Variants in LRRTM4 observed in about 807,000 individuals in gnomAD.
The protein encoded by LRRTM4 is leucine rich repeat transmembrane neuronal 4.
A neutral mutation model predicts 47.6 loss-of-function variants in LRRTM4; 25 were observed. The ratio of observed to expected loss-of-function variants is 0.53; its 90% CI spans 0.38 to 0.73. The LOEUF is 0.73. Ranked by LOEUF, LRRTM4 falls within the 30% of genes least tolerant of loss-of-function variation. The pLI is 0.00. For missense variants in LRRTM4, 638 were observed against 713.4 expected (o/e 0.89, Z 1.20); for synonymous variants, 311 against 269.5 (o/e 1.15, Z -1.51).
At chr2:77,095,204 A>C (rs1254992449) in intron 3 of LRRTM4, among the ~76,000 whole-genome samples, 1 of 152,220 alleles carries the variant, frequency 6.6e-6, no homozygotes, top group East Asian at 1.9e-4. Flanking sequence ...ACAGTGAGAT[A>C]CTACCTCATT....
chr2:77,400,337 A>C (rs1673900387), intron 3 of LRRTM4, among the ~76,000 whole-genome samples: 2 of 151,718 alleles, frequency 1.3e-5, no homozygotes, highest in African/African-American at 2.4e-5. Context: ...TTGGCCCTAC[A>C]ATTCACTCAG....
chr2:76,787,424 T>C (rs1286183316), intron 3 of LRRTM4, among the ~76,000 whole-genome samples: 1 of 152,108 alleles, frequency 6.6e-6, no homozygotes, highest in Non-Finnish European at 1.5e-5. Flanking sequence ...ACTTTATACA[T>C]TTCCAGATGT....
At chr2:76,801,456 T>G (rs994578701) in intron 3 of LRRTM4, among the ~76,000 whole-genome samples, 6 of 151,912 alleles carry the variant, frequency 3.9e-5, no homozygotes, top group Admixed American at 3.9e-4. Context: ...TAGGTGGGAA[T>G]TGAACAATGA....
rs562288444 is a variant in LRRTM4, at chr2:77,431,203, C to T, written c.1551+87115G>A. Among the ~76,000 whole-genome samples the T allele has an allele frequency of 2.8e-4, 41 of 148,840 alleles. 2 individuals are homozygous for T. Among genetic ancestry groups the T allele is most frequent in the East Asian group, 7.7e-4 (4 of 5,172 alleles). Reference sequence around the variant, plus strand: ...GTCTATCTCTATCTATGCATGCTTTCGATTTTGTCTTTCTATAGAACCCTG... The same window carrying T: ...GTCTATCTCTATCTATGCATGCTTTTGATTTTGTCTTTCTATAGAACCCTG... On this transcript the variant is annotated intron_variant, in intron 3 of 3. Coordinates refer to ENST00000409884, the MANE Select transcript of LRRTM4 (RefSeq NM_001134745.3).
intron 3 of LRRTM4, among the ~76,000 whole-genome samples, chr2:76,972,608 T>C (rs1406872914): frequency 6.6e-6 from 1 of 151,700 alleles, no homozygotes; most frequent in Non-Finnish European, 1.5e-5. Context: ...TTAGTAGAGA[T>C]GGTTTTCACC....
In LRRTM4 at chr2:77,449,364, A is replaced by G. The variant is rs572592123; in HGVS notation, c.1551+68954T>C. ...GCATGCCATTTATCTCATGTTTTAA[A>G]TAATAAAATGATACGAGAATTGTGA... On this transcript the variant is annotated intron_variant, in intron 3 of 3. Transcript: ENST00000409884. Among the ~76,000 whole-genome samples, 3 of 152,306 alleles carry G rather than the reference A, an allele frequency of 2.0e-5. No individual in the cohort carries two copies. In the East Asian group the frequency reaches 5.8e-4, roughly 29 times the overall value.
intron 3 of LRRTM4, among the ~76,000 whole-genome samples, chr2:77,205,785 G>A (rs1674107162): frequency 6.6e-6 from 1 of 152,132 alleles, no homozygotes; most frequent in Non-Finnish European, 1.5e-5. Flanking sequence ...TGCTGAATGA[G>A]CACATTTTAT....
chr2:77,405,921 C>A (rs1236521885), intron 3 of LRRTM4, among the ~76,000 whole-genome samples: 1 of 152,140 alleles, frequency 6.6e-6, no homozygotes, highest in Non-Finnish European at 1.5e-5. Context: ...ATGTCTGACT[C>A]TCACACTAAA....
chr2:77,035,517 T>A (rs1366374118), intron 3 of LRRTM4, among the ~76,000 whole-genome samples: 1 of 151,978 alleles, frequency 6.6e-6, no homozygotes, highest in East Asian at 1.9e-4. Flanking sequence ...TATAATTTTA[T>A]TTCATTTTTT....
chr2:76,996,366 G>T lies in LRRTM4; in HGVS notation c.1552-247450C>A, dbSNP rs574672911. On this transcript the variant is annotated intron_variant, in intron 3 of 3. Transcript: ENST00000409884. ...ATTCTGTGTCCTACTAATGAAAATT[G>T]TGTCAATCTGCATAATTTTGCTTAG... Among the ~76,000 whole-genome samples the T allele has an allele frequency of 2.6e-5, 4 of 152,130 alleles. No individual in the cohort carries two copies. In the East Asian group the frequency reaches 7.8e-4, roughly 29 times the overall value.
chr2:77,026,778 A>G (rs10048661), intron 3 of LRRTM4, among the ~76,000 whole-genome samples: 10,826 of 152,168 alleles, frequency 0.071, 919 homozygotes, highest in African/African-American at 0.19. Context: ...ATAAAGCTGC[A>G]TATTTGGGGA....
chr2:77,314,471 A>C (rs936669935), intron 3 of LRRTM4, among the ~76,000 whole-genome samples: 2 of 152,222 alleles, frequency 1.3e-5, no homozygotes, highest in Non-Finnish European at 2.9e-5. Flanking sequence ...TAGTTTTCTA[A>C]GAATAGGATC....
At chr2:76,997,285 T>A (rs1374548199) in intron 3 of LRRTM4, among the ~76,000 whole-genome samples, 1 of 152,142 alleles carries the variant, frequency 6.6e-6, no homozygotes, top group African/African-American at 2.4e-5. Flanking sequence ...GCAGTTCAAA[T>A]ACAGCAGTAG....
intron 3 of LRRTM4, among the ~76,000 whole-genome samples, chr2:76,946,093 T>C (rs1411156583): frequency 6.6e-6 from 1 of 151,964 alleles, no homozygotes; most frequent in Non-Finnish European, 1.5e-5. Flanking sequence ...CTGTGGATAA[T>C]AATGCCTTAA....
intron 3 of LRRTM4, among the ~76,000 whole-genome samples, chr2:77,157,996 A>C (rs926630357): frequency 6.6e-6 from 1 of 152,212 alleles, no homozygotes; most frequent in African/African-American, 2.4e-5. Context: ...AAAGGCGTCA[A>C]GTTAACAAAA....
chr2:77,308,745 ATTGTT>A (rs763708004), intron 3 of LRRTM4, among the ~76,000 whole-genome samples: 53 of 141,672 alleles, frequency 3.7e-4, no homozygotes, highest in Non-Finnish European at 7.0e-4. Context: ...CTTAGGCCAA[ATTGTT>A]TTGTTTTCTT....
intron 3 of LRRTM4, among the ~76,000 whole-genome samples, chr2:77,420,822 C>T (rs1558735484): frequency 7.0e-6 from 1 of 142,826 alleles, no homozygotes; most frequent in African/African-American, 2.6e-5. Flanking sequence ...TAATATATTA[C>T]CCTTAAGACT....
chr2:76,947,384 G>C (rs1358656493), intron 3 of LRRTM4, among the ~76,000 whole-genome samples: 1 of 151,706 alleles, frequency 6.6e-6, no homozygotes, highest in Non-Finnish European at 1.5e-5. Flanking sequence ...ACAGTAAAGT[G>C]GACATGCAAG....
chr2:77,352,077 T>C (rs763494434), intron 3 of LRRTM4, among the ~76,000 whole-genome samples: 9 of 152,178 alleles, frequency 5.9e-5, no homozygotes, highest in Non-Finnish European at 1.3e-4. Context: ...TAGTCAATCA[T>C]GAGCATCAAT....
Sources: allele counts gnomAD v4.1 joint callset (sites outside exome capture counted in the v4.1 genomes callset), GRCh38; gene constraint gnomAD v4.1.1; transcripts MANE v1.5; gene names NCBI Gene and HGNC (gene_info 2026-07-23, HGNC 2026-07-21).